Variants in APOB observed in about 807,000 individuals in gnomAD.
APOB encodes the protein apolipoprotein B-100.
A neutral mutation model predicts 314.1 loss-of-function variants in APOB; 153 were observed. The observed-to-expected ratio is 0.49, with a 90% CI of 0.43 to 0.56. The LOEUF is 0.56. Ranked by LOEUF, APOB falls within the 20% of genes least tolerant of loss-of-function variation. The pLI is 0.00. For synonymous variants in APOB, 2,087 were observed against 2,036.4 expected (o/e 1.02, Z -0.67); for missense variants, 5,430 against 5,350.7 (o/e 1.01, Z -0.46).
In APOB at chr2:21,043,938, G is replaced by T. The variant is rs1448292619; in HGVS notation, c.8C>A (p.Pro3Gln). The T allele has an allele frequency of 5.2e-6, 7 of 1,351,308 alleles. No individual in the cohort carries two copies. Among genetic ancestry groups the T allele is most frequent in the African/African-American group, 1.5e-5 (1 of 65,178 alleles). 83.7% of individuals were successfully genotyped at this position (1,351,308 alleles called of 1,614,324 possible). A position where few individuals can be genotyped will look rare whatever the true frequency, so the allele number is the denominator to read the frequency against. Residue 3 changes from proline to glutamine, a missense_variant, in exon 1 of 29, where the codon CCG becomes CAG. Physicochemically the swap from Pro to Gln is moderately conservative, Grantham distance 76. Around this residue, in one of 3 missense-constraint regions of APOB, gnomAD observed 2,085 missense variants for 2,079.7 expected, o/e 1.00. Coordinates refer to ENST00000233242, the MANE Select transcript of APOB (RefSeq NM_000384.3). The stretch of plus-strand genomic sequence containing the variant: ...CAGCGCCAGCAGCGCGGGCCTCGGC[G>T]GGTCCATCGCCAGCTGCGGTGGGGC... MDPPRPALLALLA... is the reference protein window; with the variant it reads MDQPRPALLALLA...
At position 21,042,377 on chromosome 2, in the gene APOB, G is replaced by A; in HGVS notation, c.221C>T (p.Thr74Ile). The change falls in exon 3 of 29, where the codon ACC (threonine) becomes ATC (isoleucine). Residue 74 changes from threonine to isoleucine, a missense_variant. Coordinates refer to ENST00000233242, the MANE Select transcript of APOB (RefSeq NM_000384.3). ...VPGTADSRSA[T>I]RINCKVELEV... ...CCTCCATACCTTGCAGTTGATCCTG[G>A]TGGCACTTCTTGAATCAGCAGTCCC... 1 of 1,613,378 alleles carries A rather than the reference G, an allele frequency of 6.2e-7. No individual in the cohort carries two copies. Among genetic ancestry groups the A allele is most frequent in the Non-Finnish European group, 8.5e-7 (1 of 1,179,398 alleles).
chr2:21,037,205 C>T lies in APOB; in HGVS notation c.588G>A (p.Lys196=), dbSNP rs753518567. 1.2e-6 allele frequency: 2 copies of T among 1,614,186 alleles called. No homozygotes were observed. Among genetic ancestry groups the T allele is most frequent in the African/African-American group, 1.3e-5 (1 of 75,052 alleles). Residue 196 remains lysine, a synonymous_variant, in exon 6 of 29, where the codon AAG becomes AAA. Transcript: ENST00000233242. ...TGGATATTTCTGTTGCCACATTGCC[C>T]TTCCTCGTCTTGACGGTAAAGTGAG... The part of the protein sequence containing the change: ...CSTHFTVKTR[K]GNVATEISTE...
In APOB at chr2:21,032,408, G is replaced by A. The variant is rs13306190; in HGVS notation, c.1298C>T (p.Ala433Val). 7.9e-5 allele frequency: 128 copies of A among 1,614,004 alleles called. No homozygotes were observed. In the East Asian group the frequency reaches 1.4e-3, roughly 17 times the overall value. ...GGTGGCTCGGCTGCGCTGATCCCTC[G>A]CCATGTTGAAGATCTCTCGCAGCTG... The part of the protein sequence containing the change: ...AQQLREIFNM[A>V]RDQRSRATLY... Residue 433 changes from alanine (A) to valine (V), a missense_variant, in exon 10 of 29, where the codon GCG becomes GTG. Ala to Val is a moderately conservative substitution (Grantham distance 64). Transcript: ENST00000233242.
At chr2:21,019,279 G>A (rs1572790584) in intron 19 of APOB, among the ~76,000 whole-genome samples, 166 bp from the exon 20 acceptor site, 1 of 151,980 alleles carries the variant, frequency 6.6e-6, no homozygotes, top group Non-Finnish European at 1.5e-5. Flanking sequence ...AGTCCTACAA[G>A]AACCCAAGGC....
At position 21,011,941 on chromosome 2, in the gene APOB, C is replaced by T. The variant is rs774862312; in HGVS notation, c.4927G>A (p.Ala1643Thr). The change falls in exon 26 of 29, where the codon GCG (alanine) becomes ACG (threonine). Residue 1643 changes from alanine to threonine, a missense_variant. Coordinates refer to ENST00000233242, the MANE Select transcript of APOB (RefSeq NM_000384.3). ...CCATCTTGGCCAATCCTTAGTGTCGCCTTGTGAGCACCACTATTAATTTTG... is the reference window on the plus strand; with the variant it reads ...CCATCTTGGCCAATCCTTAGTGTCGTCTTGTGAGCACCACTATTAATTTTG... ...TDKINSGAHK[A>T]TLRIGQDGIS... 7 of 1,613,930 alleles carry T rather than the reference C, an allele frequency of 4.3e-6. No homozygotes were observed. The Admixed American group carries it at 1.2e-4, about 27-fold the overall frequency.
intron 5 of APOB, 48 bp downstream of exon 5, chr2:21,037,910 T>C: frequency 1.9e-6 from 3 of 1,609,856 alleles, no homozygotes; most frequent in Non-Finnish European, 2.6e-6. Flanking sequence ...CTCTAACACA[T>C]GAAGATGAGT....
At chr2:21,041,176 A>C in intron 3 of APOB, 93 bp from the exon 4 acceptor site, 1 of 1,360,036 alleles carries the variant, frequency 7.4e-7, no homozygotes, top group Non-Finnish European at 1.0e-6. Flanking sequence ...TCAGAGCACC[A>C]AAGGGAATGG....
At chr2:21,019,534 C>T (rs1202976432) in intron 19 of APOB, among the ~76,000 whole-genome samples, 189 bp downstream of exon 19, 1 of 152,192 alleles carries the variant, frequency 6.6e-6, no homozygotes, top group African/African-American at 2.4e-5. Flanking sequence ...CCATCCCATG[C>T]ACAAGGAAGC....
chr2:21,008,196 T>C lies in APOB; in HGVS notation c.8672A>G (p.His2891Arg). 1 of 1,614,092 alleles carries C rather than the reference T, an allele frequency of 6.2e-7. No individual in the cohort carries two copies. Among genetic ancestry groups the C allele is most frequent in the Non-Finnish European group, 8.5e-7 (1 of 1,179,970 alleles). Reference sequence around the variant, plus strand: ...GTCCAGTTTGGGGATGTTCAATTTGTGGAAGTATTTAGTGTTGCTATCCAG... The same window carrying C: ...GTCCAGTTTGGGGATGTTCAATTTGCGGAAGTATTTAGTGTTGCTATCCAG... ...LTLDSNTKYF[H>R]KLNIPKLDFS... Residue 2891 changes from histidine (H) to arginine (R), a missense_variant, in exon 26 of 29, where the codon CAC (histidine) becomes CGC (arginine). His to Arg is a conservative substitution (Grantham distance 29, BLOSUM62 0). Coordinates refer to ENST00000233242, the MANE Select transcript of APOB (RefSeq NM_000384.3).
At chr2:21,027,053 T>C (rs1020867559) in intron 14 of APOB, 89 bp from the exon 15 acceptor site, 46 of 1,217,612 alleles carry the variant, frequency 3.8e-5, no homozygotes, top group Non-Finnish European at 4.8e-5. Context: ...TCCATTTATC[T>C]AAACAAGTAT....
At position 21,008,795 on chromosome 2, in the gene APOB, T is replaced by C. The variant is rs370030727; in HGVS notation, c.8073A>G (p.Ile2691Met). The change falls in exon 26 of 29, where the codon ATA (isoleucine) becomes ATG (methionine). Residue 2691 changes from isoleucine to methionine, a missense_variant. Ile to Met is a conservative substitution (Grantham distance 10). Around this residue, in one of 3 missense-constraint regions of APOB, gnomAD observed 3,281 missense variants for 3,171.0 expected, o/e 1.03. Transcript: ENST00000233242. ...CCTCCACCTTCAGATCCCTGAGATA[T>C]ATATCTGGAACGGGCCACTGCAGCT... ...NSELQWPVPDIYLRDLKVEDI... is the reference protein window; with the variant it reads ...NSELQWPVPDMYLRDLKVEDI... The C allele has an allele frequency of 3.1e-6, 5 of 1,613,948 alleles. No individual in the cohort carries two copies. The African/African-American group carries it at 6.7e-5, about 22-fold the overall frequency.
At position 21,003,041 on chromosome 2, in the gene APOB, G is replaced by A. The variant is rs145704672; in HGVS notation, c.12381C>T (p.Asp4127=). Residue 4127 remains aspartate, a synonymous_variant, in exon 29 of 29, where the codon GAC becomes GAT. Transcript: ENST00000233242. ...QGAIRQIDDI[D]VRFQKAASGT... is the part of the protein sequence containing the mutation. ...CACTGGCTGCTTTCTGGAACCTCAC[G>A]TCGATATCATCAATTTGCCTAATGG... is the stretch of plus-strand genomic sequence containing the variant. 91 of 1,567,796 alleles carry A rather than the reference G, an allele frequency of 5.8e-5. No individual in the cohort carries two copies. Among genetic ancestry groups the A allele is most frequent in the South Asian group, 1.2e-4 (10 of 82,520 alleles).
chr2:21,035,642 T>C lies in APOB; in HGVS notation c.760A>G (p.Lys254Glu), dbSNP rs373455221. The change falls in exon 7 of 29, where the codon AAG (lysine) becomes GAG (glutamate). Residue 254 changes from lysine (K) to glutamate (E), a missense_variant. Lys to Glu is a moderately conservative substitution (Grantham distance 56, BLOSUM62 1). Transcript: ENST00000233242. ...TTGCAGATGGCTTCTGCCACATGCT[T>C]CCTCTTAGCGTCCAGTGTGTACTGA... ...SCQYTLDAKR[K>E]HVAEAICKEQ... The C allele has an allele frequency of 6.2e-7, 1 of 1,614,124 alleles. No homozygotes were observed. Among genetic ancestry groups the C allele is most frequent in the Non-Finnish European group, 8.5e-7 (1 of 1,180,034 alleles).
At position 21,005,110 on chromosome 2, in the gene APOB, T is replaced by C. The variant is rs1193601336; in HGVS notation, c.11758A>G (p.Thr3920Ala). The C allele has an allele frequency of 6.2e-7, 1 of 1,614,032 alleles. No homozygotes were observed. Among genetic ancestry groups the C allele is most frequent in the Admixed American group, 1.7e-5 (1 of 60,006 alleles). ...AGTTCATATTCTAGGAACTGTACGG[T>C]TGAGCTGCATGTGGAATCCAGGACT... ...ETVLDSTCSS[T>A]VQFLEYELNV... Residue 3920 changes from threonine (T) to alanine (A), a missense_variant, in exon 26 of 29, where the codon ACC becomes GCC. This residue lies in a region of APOB where 3,281 missense variants were observed against 3,171.0 expected (regional missense o/e 1.03). Coordinates refer to ENST00000233242, the MANE Select transcript of APOB (RefSeq NM_000384.3).
chr2:21,010,396 T>G lies in APOB; in HGVS notation c.6472A>C (p.Ile2158Leu), dbSNP rs957367644. 1.3e-6 allele frequency: 2 copies of G among 1,593,414 alleles called. No individual in the cohort carries two copies. The highest frequency in any genetic ancestry group is 1.7e-6 in the Non-Finnish European group (2 of 1,168,356). ...KYRITENDIQ[I>L]ALDDAKINFN... The stretch of plus-strand genomic sequence containing the variant: ...TTGATTTTGGCATCATCTAATGCAA[T>G]TTGTATATCATTTTCTGTAATTCTA... The change falls in exon 26 of 29, where the codon ATT (isoleucine) becomes CTT (leucine). Residue 2158 changes from isoleucine to leucine, a missense_variant. Around this residue, in one of 3 missense-constraint regions of APOB, gnomAD observed 3,281 missense variants for 3,171.0 expected, o/e 1.03. Coordinates refer to ENST00000233242, the MANE Select transcript of APOB (RefSeq NM_000384.3).
In APOB at chr2:21,033,157, C is replaced by T. The variant is rs957576741; in HGVS notation, c.1124+142G>A. Reference sequence around the variant, plus strand: ...AGCGCAGCAGCTGATAGTTCTCTATCCAGCAATCATGAACTGATTGACTAA... The same window carrying T: ...AGCGCAGCAGCTGATAGTTCTCTATTCAGCAATCATGAACTGATTGACTAA... On this transcript the variant is annotated intron_variant, in intron 9 of 28. Coordinates refer to ENST00000233242, the MANE Select transcript of APOB (RefSeq NM_000384.3). 4 of 701,182 alleles carry T rather than the reference C, an allele frequency of 5.7e-6. No individual in the cohort carries two copies. The African/African-American group carries it at 7.0e-5, about 12-fold the overall frequency. The allele number at this position is 701,182 out of a possible 1,614,324, so 43.4% of individuals were successfully genotyped here.
In APOB at chr2:21,011,943, T is replaced by C. The variant is rs1046000998; in HGVS notation, c.4925A>G (p.Lys1642Arg). 10 of 1,614,092 alleles carry C rather than the reference T, an allele frequency of 6.2e-6. No individual in the cohort carries two copies. Among genetic ancestry groups the C allele is most frequent in the Non-Finnish European group, 5.9e-6 (7 of 1,180,024 alleles). Residue 1642 changes from lysine to arginine, a missense_variant, in exon 26 of 29, where the codon AAG becomes AGG. Lys to Arg is a conservative substitution (Grantham distance 26). This residue lies in a region of APOB where 2,085 missense variants were observed against 2,079.7 expected (regional missense o/e 1.00). Coordinates refer to ENST00000233242, the MANE Select transcript of APOB (RefSeq NM_000384.3). ...GTDKINSGAH[K>R]ATLRIGQDGI... ...ATCTTGGCCAATCCTTAGTGTCGCC[T>C]TGTGAGCACCACTATTAATTTTGTC...
In APOB at chr2:21,009,175, C is replaced by A; in HGVS notation, c.7693G>T (p.Ala2565Ser). 1 of 1,614,062 alleles carries A rather than the reference C, an allele frequency of 6.2e-7. No individual in the cohort carries two copies. The change falls in exon 26 of 29, where the codon GCA becomes TCA. Residue 2565 changes from alanine (A) to serine (S), a missense_variant. This residue lies in a region of APOB where 3,281 missense variants were observed against 3,171.0 expected (regional missense o/e 1.03). Coordinates refer to ENST00000233242, the MANE Select transcript of APOB (RefSeq NM_000384.3). ...CAATCTTGGATAGAATATTGCTCTG[C>A]AAAGTCAGTAAGGTTCTTAGCAGCA... ...TLAAKNLTDF[A>S]EQYSIQDWAK...
At position 21,002,475 on chromosome 2, in the gene APOB, T is replaced by C; in HGVS notation, c.12947A>G (p.Gln4316Arg). The C allele has an allele frequency of 6.2e-7, 1 of 1,609,260 alleles. No individual in the cohort carries two copies. Among genetic ancestry groups the C allele is most frequent in the Non-Finnish European group, 8.5e-7 (1 of 1,176,700 alleles). Residue 4316 changes from glutamine (Q) to arginine (R), a missense_variant, in exon 29 of 29, where the codon CAG becomes CGG. This residue lies in a region of APOB where 3,281 missense variants were observed against 3,171.0 expected (regional missense o/e 1.03). Coordinates refer to ENST00000233242, the MANE Select transcript of APOB (RefSeq NM_000384.3). ...ATAAGTAAATTTCATCTCTTTCAGC[T>C]GTTTAATGTTATCTTCTATTAGTTG... ...IFQLIEDNIK[Q>R]LKEMKFTYLI... is the part of the protein sequence containing the mutation.
Sources: gnomAD v4.1 joint callset for allele counts (sites outside exome capture counted in the v4.1 genomes callset) on GRCh38, gnomAD v4.1.1 for gene constraint, gnomAD v4.1.1 regional missense constraint, MANE v1.5 for transcripts, NCBI Gene and HGNC (gene_info 2026-07-23, HGNC 2026-07-21) for gene names.